RICTOR: variants seen among roughly 807,000 people sequenced by gnomAD.
The protein encoded by RICTOR is RPTOR independent companion of MTOR complex 2.
Under a neutral mutation model 214.9 loss-of-function variants are expected in RICTOR, and 49 were observed. That is an observed-to-expected ratio of 0.23 (90% CI 0.18 to 0.29). The LOEUF (loss-of-function observed/expected upper bound fraction) is 0.29. Among genes scored for constraint, RICTOR ranks in the 10% least tolerant of loss-of-function variants. The pLI is 1.00. For missense variants in RICTOR, 1,625 were observed against 2,047.0 expected, an observed-to-expected ratio of 0.79 and a Z score of 3.98; for synonymous variants, 717 against 711.3, an observed-to-expected ratio of 1.01 and a Z score of -0.13.
At position 38,939,005 on chromosome 5, in the gene RICTOR, A is replaced by G. The variant is rs1437505059; in HGVS notation, c.*3299T>C. 2 of 233,022 alleles carry G rather than the reference A, an allele frequency of 8.6e-6. No homozygotes were observed. The highest frequency in any genetic ancestry group is 1.7e-5 in the Non-Finnish European group (2 of 117,742). 14.4% of individuals were successfully genotyped at this position (233,022 alleles called of 1,614,324 possible). A position where few individuals can be genotyped will look rare whatever the true frequency, so the allele number is the denominator to read the frequency against. On this transcript the variant is annotated 3_prime_UTR_variant, in exon 38 of 38. Coordinates refer to ENST00000357387, the MANE Select transcript of RICTOR (RefSeq NM_152756.5). ...AGGAGAAAAAACCTTACTTCCAAAG[A>G]ACATTTCCCAAAGTAGTTTACAAAG...
At chr5:39,000,529 T>C (rs1753535003) in intron 5 of RICTOR, among the ~76,000 whole-genome samples, 1 of 152,026 alleles carries the variant, frequency 6.6e-6, no homozygotes, top group Non-Finnish European at 1.5e-5. Context: ...TAAAAGCTTA[T>C]AGAAAGTATA....
At chr5:39,058,395 G>GAGAT (rs1758328700) in intron 2 of RICTOR, among the ~76,000 whole-genome samples, 1 of 151,960 alleles carries the variant, frequency 6.6e-6, no homozygotes, top group Non-Finnish European at 1.5e-5. Context: ...CAATCACACA[G>GAGAT]AGATAGGTTA....
At chr5:38,990,312 G>A (rs1752489524) in intron 7 of RICTOR, among the ~76,000 whole-genome samples, 1 of 151,616 alleles carries the variant, frequency 6.6e-6, no homozygotes, top group Non-Finnish European at 1.5e-5. Context: ...TGGACACAGG[G>A]AGAGGAACAT....
chr5:38,966,486 C>A (rs891736258), intron 15 of RICTOR, among the ~76,000 whole-genome samples, 155 bp downstream of exon 15: 21 of 152,258 alleles, frequency 1.4e-4, no homozygotes, highest in African/African-American at 5.1e-4. Context: ...TCTCAGGATA[C>A]AGTACCAAGG....
At chr5:39,057,553 C>T (rs533020323) in intron 2 of RICTOR, among the ~76,000 whole-genome samples, 37 of 152,084 alleles carry the variant, frequency 2.4e-4, no homozygotes, top group Admixed American at 8.5e-4. Context: ...AAATGATGTG[C>T]CAGTATATAT....
chr5:39,018,504 T>C (rs1281394119), intron 3 of RICTOR, among the ~76,000 whole-genome samples: 2 of 152,152 alleles, frequency 1.3e-5, no homozygotes, highest in Admixed American at 6.6e-5. Flanking sequence ...ATGCGCTCAC[T>C]TTGCATGTCT....
At chr5:38,974,920 C>T (rs1169013376) in intron 10 of RICTOR, among the ~76,000 whole-genome samples, 1 of 152,134 alleles carries the variant, frequency 6.6e-6, no homozygotes, top group Admixed American at 6.5e-5. Context: ...TACCCCTTCA[C>T]AATAATACTA....
intron 30 of RICTOR, 41 bp downstream of exon 30, chr5:38,952,155 T>C: frequency 8.6e-7 from 1 of 1,159,188 alleles, no homozygotes; most frequent in Non-Finnish European, 1.3e-6. Flanking sequence ...ATATAAATGT[T>C]AACATTGGCT....
At chr5:38,960,972 A>G (rs946463320) in intron 19 of RICTOR, among the ~76,000 whole-genome samples, 2 of 152,052 alleles carry the variant, frequency 1.3e-5, no homozygotes, top group African/African-American at 4.8e-5. Flanking sequence ...AGCCATGTGG[A>G]ATTGTGAGTC....
Position 38,938,587 on chromosome 5 carries a change from C to T in RICTOR, c.*3717G>A, listed in dbSNP as rs923925382. 4 of 232,690 alleles carry T rather than the reference C, an allele frequency of 1.7e-5. No individual in the cohort carries two copies. Among genetic ancestry groups the T allele is most frequent in the Non-Finnish European group, 3.4e-5 (4 of 117,708 alleles). 14.4% of individuals were successfully genotyped at this position (232,690 alleles called of 1,614,324 possible). ...ATCCGATACTTACATTACAAAAATA[C>T]TCCAAACAGGAAAAAAGTCCACATT... is the stretch of plus-strand genomic sequence containing the variant. On this transcript the variant is annotated 3_prime_UTR_variant, in exon 38 of 38. Coordinates refer to ENST00000357387, the MANE Select transcript of RICTOR (RefSeq NM_152756.5).
rs947011884 is a variant in RICTOR at position 38,939,514 on chromosome 5, G to A, written c.*2790C>T. 1.3e-5 allele frequency: 3 copies of A among 231,438 alleles called. No homozygotes were observed. The highest frequency in any genetic ancestry group is 6.6e-5 in the African/African-American group (3 of 45,184). 14.3% of individuals were successfully genotyped at this position (231,438 alleles called of 1,614,324 possible). Reference sequence around the variant, plus strand: ...AAATAAAAGTATAGGAAATTTTAGAGCATATTTAATTATGAATACTAAATT... The same window carrying A: ...AAATAAAAGTATAGGAAATTTTAGAACATATTTAATTATGAATACTAAATT... On this transcript the variant is annotated 3_prime_UTR_variant, in exon 38 of 38. Coordinates refer to ENST00000357387, the MANE Select transcript of RICTOR (RefSeq NM_152756.5).
chr5:38,964,149 C>G (rs184796082), intron 16 of RICTOR, among the ~76,000 whole-genome samples: 2 of 151,878 alleles, frequency 1.3e-5, no homozygotes, highest in Admixed American at 1.3e-4. Context: ...AAAACAACCA[C>G]AAAAAGACAT....
chr5:38,941,663 A>G lies in RICTOR; in HGVS notation c.*641T>C. The G allele has an allele frequency of 4.3e-6, 1 of 232,486 alleles. No individual in the cohort carries two copies. Among genetic ancestry groups the G allele is most frequent in the African/African-American group, 2.2e-5 (1 of 45,414 alleles). The allele number at this position is 232,486 out of a possible 1,614,324, so 14.4% of individuals were successfully genotyped here. ...GCAACAAAATGAAGAGTTGGAAAAC[A>G]AGAATCTTTATGCAAGTCTAGTAAC... On this transcript the variant is annotated 3_prime_UTR_variant, in exon 38 of 38. Coordinates refer to ENST00000357387, the MANE Select transcript of RICTOR (RefSeq NM_152756.5).
rs190499637 is a variant in RICTOR at position 39,047,826 on chromosome 5, T to C, written c.97+26285A>G. Among the ~76,000 whole-genome samples, 588 of 152,328 alleles carry C rather than the reference T, an allele frequency of 3.9e-3. 3 individuals carry two copies. The highest frequency in any genetic ancestry group is 4.6e-3 in the African/African-American group (192 of 41,572). ...GACTATGGACCTGTACAATTAATAC[T>C]ACCAAAGTGAAAATGTTGCACTCTT... On this transcript the variant is annotated intron_variant, in intron 2 of 37. Transcript: ENST00000357387.
At chr5:38,959,689 A>T in intron 21 of RICTOR, 90 bp downstream of exon 21, 1 of 769,636 alleles carries the variant, frequency 1.3e-6, no homozygotes, top group Non-Finnish European at 2.1e-6. Context: ...TTAACCAAAC[A>T]CATGTACACA....
chr5:38,963,087 A>G, intron 16 of RICTOR, 46 bp from the exon 17 acceptor site: 2 of 1,322,668 alleles, frequency 1.5e-6, no homozygotes, highest in Non-Finnish European at 2.1e-6. Context: ...AGACCAATAT[A>G]ATTTAAGAGA....
rs138876503 is a variant in RICTOR, at chr5:38,949,926, T to C, written c.3922A>G (p.Ile1308Val). Residue 1308 changes from isoleucine (I) to valine (V), a missense_variant, in exon 31 of 38, where the codon ATT (isoleucine) becomes GTT (valine). Coordinates refer to ENST00000357387, the MANE Select transcript of RICTOR (RefSeq NM_152756.5). The part of the protein sequence containing the change: ...RRAQSLKAPS[I>V]ATIKSLADCN... ...TCTGCTAGACTTTTAATTGTAGCAA[T>C]AGAGGGTGCTTTAAGGGACTGTGCT... 4.8e-5 allele frequency: 77 copies of C among 1,613,368 alleles called. 1 individual carries two copies. Among genetic ancestry groups the C allele is most frequent in the African/African-American group, 1.3e-4 (10 of 74,972 alleles).
At chr5:39,052,142 T>C (rs1482782968) in intron 2 of RICTOR, among the ~76,000 whole-genome samples, 1 of 151,754 alleles carries the variant, frequency 6.6e-6, no homozygotes, top group Non-Finnish European at 1.5e-5. Flanking sequence ...GGGATGCTGA[T>C]GTGGGTGGAC....
rs1265676844 is a variant in RICTOR, at chr5:38,938,406, C to T, written c.*3898G>A. On this transcript the variant is annotated 3_prime_UTR_variant, in exon 38 of 38. Transcript: ENST00000357387. ...TTACCTATAAAATTTTTTTCACTCC[C>T]CCTCTCTGCCCCAAGACTTTGCATT... is the stretch of plus-strand genomic sequence containing the variant. The T allele has an allele frequency of 4.3e-6, 1 of 230,816 alleles. No homozygotes were observed. The highest frequency in any genetic ancestry group is 2.2e-5 in the African/African-American group (1 of 45,154). 14.3% of individuals were successfully genotyped at this position (230,816 alleles called of 1,614,324 possible).
Sources: gnomAD v4.1 joint callset for allele counts (sites outside exome capture counted in the v4.1 genomes callset) on GRCh38, gnomAD v4.1.1 for gene constraint, MANE v1.5 for transcripts, NCBI Gene and HGNC (gene_info 2026-07-23, HGNC 2026-07-21) for gene names.